The following WWOX variants were observed in gnomAD, a reference collection of about 807,000 sequenced individuals.
The protein encoded by WWOX is WW domain-containing oxidoreductase.
WWOX carries 69 observed loss-of-function variants against 46.2 expected under a neutral mutation model. That is an observed-to-expected ratio of 1.49 (90% CI 1.23 to 1.82). The LOEUF (loss-of-function observed/expected upper bound fraction) is 1.82, where lower values mean the gene tolerates loss of function less well. WWOX is among the 40% of genes most tolerant of loss of function. The pLI is 0.00. For synonymous variants in WWOX, 359 were observed against 202.6 expected (o/e 1.77, Z -6.56); for missense variants, 919 against 542.6 (o/e 1.69, Z -6.89).
Position 78,432,585 on chromosome 16 carries a change from A to G in WWOX, c.889A>G (p.Lys297Glu). 1 of 1,614,216 alleles carries G rather than the reference A, an allele frequency of 6.2e-7. No homozygotes were observed. The highest frequency in any genetic ancestry group is 1.3e-5 in the African/African-American group (1 of 75,066). Residue 297 changes from lysine (K) to glutamate (E), a missense_variant, in exon 8 of 9, where the codon AAG becomes GAG. Lys to Glu is a moderately conservative substitution (Grantham distance 56). Coordinates refer to ENST00000566780, the MANE Select transcript of WWOX (RefSeq NM_016373.4). ...YWAMLAYNRS[K>E]LCNILFSNEL... is the part of the protein sequence containing the mutation. ...GGCGATGCTGGCTTATAACAGGTCC[A>G]AGCTCTGCAACATCCTCTTCTCCAA... is the stretch of plus-strand genomic sequence containing the variant.
At chr16:78,516,955 G>T (rs1383042792) in intron 8 of WWOX, among the ~76,000 whole-genome samples, 1 of 152,144 alleles carries the variant, frequency 6.6e-6, no homozygotes, top group Admixed American at 6.5e-5. Context: ...GGAGACTTGG[G>T]TCTGTTTCCC....
chr16:79,181,365 A>T (rs534185103), intron 8 of WWOX, among the ~76,000 whole-genome samples: 2 of 152,082 alleles, frequency 1.3e-5, no homozygotes, highest in Non-Finnish European at 2.9e-5. Flanking sequence ...TTTCTTTTCA[A>T]TTTTGATATT....
chr16:78,103,924 C>G (rs2031966347), intron 1 of WWOX, among the ~76,000 whole-genome samples: 1 of 151,948 alleles, frequency 6.6e-6, no homozygotes, highest in Non-Finnish European at 1.5e-5. Context: ...CACACATGTC[C>G]TAGCACTCCA....
chr16:78,850,181 A>G (rs1032018402), intron 8 of WWOX, among the ~76,000 whole-genome samples: 6 of 152,052 alleles, frequency 3.9e-5, no homozygotes, highest in African/African-American at 9.7e-5. Context: ...TGTGTAAAAT[A>G]CCAAAGAGAA....
intron 6 of WWOX, among the ~76,000 whole-genome samples, chr16:78,422,021 G>A (rs552228984): frequency 6.6e-6 from 1 of 152,036 alleles, no homozygotes; most frequent in African/African-American, 2.4e-5. Context: ...ATGCTAATTT[G>A]ATAGAAAATA....
At chr16:79,125,911 TC>T (rs1383746467) in intron 8 of WWOX, among the ~76,000 whole-genome samples, 1 of 152,214 alleles carries the variant, frequency 6.6e-6, no homozygotes, top group East Asian at 1.9e-4. Flanking sequence ...TTACTATCTG[TC>T]TTCTCCAGGA....
At chr16:78,159,673 T>G (rs2034721552) in intron 4 of WWOX, among the ~76,000 whole-genome samples, 2 of 21,732 alleles carry the variant, frequency 9.2e-5, no homozygotes, top group African/African-American at 1.6e-4. Flanking sequence ...AAATCTGTGG[T>G]TTTTTTTTTT....
intron 8 of WWOX, among the ~76,000 whole-genome samples, chr16:79,022,189 T>C (rs1255919754): frequency 6.6e-6 from 1 of 151,926 alleles, no homozygotes; most frequent in Non-Finnish European, 1.5e-5. Flanking sequence ...AAAGGTAGAG[T>C]TGCAAAGACT....
At chr16:78,214,313 A>G (rs2151791054) in intron 5 of WWOX, among the ~76,000 whole-genome samples, 1 of 143,684 alleles carries the variant, frequency 7.0e-6, no homozygotes, top group South Asian at 2.3e-4. Flanking sequence ...AACCTCTCTG[A>G]ACTTCAATTA....
intron 8 of WWOX, among the ~76,000 whole-genome samples, chr16:78,968,848 G>A (rs1401862093): frequency 6.6e-6 from 1 of 151,846 alleles, no homozygotes; most frequent in Non-Finnish European, 1.5e-5. Context: ...GCAAAGTGCA[G>A]TATTACCATA....
intron 8 of WWOX, among the ~76,000 whole-genome samples, chr16:79,083,703 C>G (rs2048803757): frequency 6.6e-6 from 1 of 152,160 alleles, no homozygotes; most frequent in African/African-American, 2.4e-5. Flanking sequence ...GTAAACCGAT[C>G]ACTAACACCC....
chr16:78,531,714 C>T (rs77361516), intron 8 of WWOX, among the ~76,000 whole-genome samples: 6,715 of 151,806 alleles, frequency 0.044, 327 homozygotes, highest in African/African-American at 0.12. Context: ...TTTTGGGATT[C>T]GGTTTAGGTG....
intron 8 of WWOX, among the ~76,000 whole-genome samples, chr16:78,750,324 C>A (rs1597545041): frequency 6.6e-6 from 1 of 152,208 alleles, no homozygotes; most frequent in African/African-American, 2.4e-5. Context: ...TGTCTTGCCC[C>A]TCCTGTGGTC....
chr16:78,693,423 C>T (rs1175238678), intron 8 of WWOX, among the ~76,000 whole-genome samples: 2 of 152,184 alleles, frequency 1.3e-5, no homozygotes, highest in East Asian at 3.9e-4. Flanking sequence ...CTCTGTCAGC[C>T]ACCCTATATG....
At chr16:78,920,995 C>T (rs568105941) in intron 8 of WWOX, among the ~76,000 whole-genome samples, 61 of 152,260 alleles carry the variant, frequency 4.0e-4, no homozygotes, top group African/African-American at 1.3e-3. Context: ...AAACCAGCTC[C>T]CACACTGGCT....
intron 8 of WWOX, among the ~76,000 whole-genome samples, chr16:78,590,842 G>T (rs1043197737): frequency 3.3e-5 from 5 of 152,132 alleles, no homozygotes; most frequent in African/African-American, 1.2e-4. Flanking sequence ...TGGGATGGTT[G>T]CAGAGGAGTT....
chr16:78,597,076 G>T (rs548032882), intron 8 of WWOX, among the ~76,000 whole-genome samples: 2 of 152,184 alleles, frequency 1.3e-5, no homozygotes, highest in Non-Finnish European at 2.9e-5. Context: ...GCTGGAGCCA[G>T]GTGCTTACGA....
chr16:78,501,193 C>CTCTTTTTTTTTTTTTTTTTTTTTTTTTTT (rs1567609023), intron 8 of WWOX, among the ~76,000 whole-genome samples: 4 of 90,936 alleles, frequency 4.4e-5, no homozygotes, highest in Non-Finnish European at 9.1e-5. Context: ...CTTTCTTTCT[C>CTCTTTTTTTTTTTTTTTTTTTTTTTTTTT]TTTTTTTTTT....
At chr16:78,917,024 C>G (rs755902667) in intron 8 of WWOX, among the ~76,000 whole-genome samples, 6 of 152,132 alleles carry the variant, frequency 3.9e-5, no homozygotes, top group Non-Finnish European at 7.3e-5. Flanking sequence ...AAGCTCACTC[C>G]TTGGGTCTTA....
Sources: allele counts gnomAD v4.1 joint callset (sites outside exome capture counted in the v4.1 genomes callset), GRCh38; gene constraint gnomAD v4.1.1; transcripts MANE v1.5; gene names NCBI Gene and HGNC (gene_info 2026-07-23, HGNC 2026-07-21).